TRAPPC9: variants seen among roughly 807,000 people sequenced by gnomAD.
TRAPPC9 encodes IKK2 binding protein.
Under a neutral mutation model 124.0 loss-of-function variants are expected in TRAPPC9, and 83 were observed. The observed-to-expected ratio is 0.67, with a 90% confidence interval of 0.56 to 0.80. The LOEUF (loss-of-function observed/expected upper bound fraction) is 0.80. Among genes scored for constraint, TRAPPC9 ranks in the 30% least tolerant of loss-of-function variants. The pLI is 0.00. For synonymous variants in TRAPPC9, 638 were observed against 617.5 expected, an observed-to-expected ratio of 1.03 and a Z score of -0.49; for missense variants, 1,302 against 1,508.3, an observed-to-expected ratio of 0.86 and a Z score of 2.27.
chr8:140,397,925 T>C (rs1159831823), intron 6 of TRAPPC9, among the ~76,000 whole-genome samples, 180 bp from the exon 7 acceptor site: 1 of 152,248 alleles, frequency 6.6e-6, no homozygotes, highest in Admixed American at 6.5e-5. Context: ...TCTTGAATTG[T>C]ACTCCCATAA....
chr8:139,865,157 G>A (rs1182265534), intron 21 of TRAPPC9, among the ~76,000 whole-genome samples: 1 of 152,182 alleles, frequency 6.6e-6, no homozygotes, highest in Non-Finnish European at 1.5e-5. Flanking sequence ...TGTCCCCATG[G>A]GGTCTGAAGA....
chr8:140,003,074 G>C (rs1838508970), intron 18 of TRAPPC9, among the ~76,000 whole-genome samples: 2 of 151,880 alleles, frequency 1.3e-5, no homozygotes, highest in African/African-American at 2.4e-5. Context: ...AAAAGTTACG[G>C]AATTGAAGAA....
intron 13 of TRAPPC9, among the ~76,000 whole-genome samples, chr8:140,285,435 T>C (rs947156269): frequency 2.0e-5 from 3 of 152,192 alleles, no homozygotes; most frequent in Admixed American, 1.3e-4. Flanking sequence ...ACAGGGATCC[T>C]GGATCCTGAG....
intron 17 of TRAPPC9, among the ~76,000 whole-genome samples, chr8:140,206,998 G>C (rs1303128780): frequency 6.6e-6 from 1 of 152,152 alleles, no homozygotes; most frequent in Non-Finnish European, 1.5e-5. Flanking sequence ...TTGAAGTCTA[G>C]TGGGGTGACA....
At chr8:139,815,065 T>G (rs1337894339) in intron 21 of TRAPPC9, among the ~76,000 whole-genome samples, 1 of 152,216 alleles carries the variant, frequency 6.6e-6, no homozygotes, top group African/African-American at 2.4e-5. Flanking sequence ...GGTCCTGTTG[T>G]GGGTCAGCTT....
intron 21 of TRAPPC9, among the ~76,000 whole-genome samples, chr8:139,793,577 C>T (rs959498874): frequency 2.0e-5 from 3 of 152,258 alleles, no homozygotes; most frequent in East Asian, 1.9e-4. Flanking sequence ...CTGAGAGTGC[C>T]GAAGACTGGA....
chr8:140,161,650 T>C (rs552901182), intron 17 of TRAPPC9, among the ~76,000 whole-genome samples: 17 of 152,178 alleles, frequency 1.1e-4, no homozygotes, highest in Non-Finnish European at 2.4e-4. Context: ...TGTGGCGTCA[T>C]GCAAGTGCTC....
At chr8:140,317,231 T>C (rs2066464272) in intron 9 of TRAPPC9, among the ~76,000 whole-genome samples, 1 of 152,214 alleles carries the variant, frequency 6.6e-6, no homozygotes. Flanking sequence ...ATCTTTATTA[T>C]TTCCTTCTTT....
At chr8:139,873,583 G>A (rs1022353555) in intron 21 of TRAPPC9, among the ~76,000 whole-genome samples, 5 of 152,146 alleles carry the variant, frequency 3.3e-5, no homozygotes, top group African/African-American at 1.2e-4. Flanking sequence ...CACAGTCACT[G>A]TTTCCAAGGA....
chr8:139,789,844 C>T (rs1388782459), intron 21 of TRAPPC9, among the ~76,000 whole-genome samples: 5 of 152,108 alleles, frequency 3.3e-5, no homozygotes, highest in Admixed American at 2.6e-4. Flanking sequence ...ACCTCAACTC[C>T]AGGACCGGTA....
At chr8:140,240,841 C>T (rs1411718763) in intron 16 of TRAPPC9, among the ~76,000 whole-genome samples, 1 of 152,184 alleles carries the variant, frequency 6.6e-6, no homozygotes, top group Non-Finnish European at 1.5e-5. Flanking sequence ...CACCCAGCCC[C>T]ACTCACCTTC....
At chr8:140,073,064 CG>C (rs982950092) in intron 17 of TRAPPC9, among the ~76,000 whole-genome samples, 10 of 152,140 alleles carry the variant, frequency 6.6e-5, no homozygotes, top group Non-Finnish European at 1.5e-4. Context: ...ATGGTGAAGG[CG>C]CACAGCACCG....
In TRAPPC9 at chr8:140,252,367, C is replaced by T. The variant is rs1049040670; in HGVS notation, c.2431+410G>A. On this transcript the variant is annotated intron_variant, in intron 16 of 22. Coordinates refer to ENST00000438773, the MANE Select transcript of TRAPPC9 (RefSeq NM_001160372.4). This position sits in a 1 kb window ranked among gnomAD's most constrained non-coding sequence, Gnocchi z 4.2. ...TCTCTAATCAGTCCTAATGTTACAA[C>T]AAATATAAATTTCCATTTCTTCCAC... Among the ~76,000 whole-genome samples the T allele has an allele frequency of 1.3e-5, 2 of 152,154 alleles. No individual in the cohort carries two copies. The highest frequency in any genetic ancestry group is 2.1e-4 in the South Asian group (1 of 4,826).
intron 21 of TRAPPC9, among the ~76,000 whole-genome samples, chr8:139,877,667 G>C (rs936432883): frequency 6.6e-6 from 1 of 152,118 alleles, no homozygotes; most frequent in African/African-American, 2.4e-5. Context: ...TCTGGCATCA[G>C]CACCCACAGC....
At chr8:139,763,901 G>T (rs113406834) in intron 21 of TRAPPC9, among the ~76,000 whole-genome samples, 1 of 152,216 alleles carries the variant, frequency 6.6e-6, no homozygotes, top group African/African-American at 2.4e-5. Context: ...AGAACTGCCC[G>T]TTGACAACTG....
chr8:140,452,933 C>T (rs1231128000), intron 1 of TRAPPC9, among the ~76,000 whole-genome samples: 1 of 152,160 alleles, frequency 6.6e-6, no homozygotes, highest in Non-Finnish European at 1.5e-5. Context: ...GTAACACATA[C>T]CTCAAGGTGT....
intron 17 of TRAPPC9, among the ~76,000 whole-genome samples, chr8:140,108,951 G>A (rs1047484124): frequency 6.6e-6 from 1 of 152,128 alleles, no homozygotes; most frequent in African/African-American, 2.4e-5. Context: ...GTTTCGAGAA[G>A]CCTTTTTACT....
At chr8:139,773,940 A>G (rs955898117) in intron 21 of TRAPPC9, among the ~76,000 whole-genome samples, 1 of 152,172 alleles carries the variant, frequency 6.6e-6, no homozygotes, top group Admixed American at 6.5e-5. Context: ...ACATCCAAAC[A>G]TCATCTCCCA....
In TRAPPC9 at chr8:139,991,632, T is replaced by C. The variant is rs965718338; in HGVS notation, c.2700-2796A>G. Among the ~76,000 whole-genome samples the C allele has an allele frequency of 6.0e-5, 9 of 150,576 alleles. No individual in the cohort carries two copies. In the East Asian group the frequency reaches 1.8e-3, roughly 30 times the overall value. ...CACATCTGTCTGAAGTATGGGGAAA[T>C]CCAAGAAAGCTTCCTGGAAGAGCTG... On this transcript the variant is annotated intron_variant, in intron 18 of 22. Coordinates refer to ENST00000438773, the MANE Select transcript of TRAPPC9 (RefSeq NM_001160372.4).
Sources: gnomAD v4.1 joint callset for allele counts (sites outside exome capture counted in the v4.1 genomes callset) on GRCh38, gnomAD v4.1.1 for gene constraint, Gnocchi (gnomAD v3.1) non-coding constraint, MANE v1.5 for transcripts, NCBI Gene and HGNC (gene_info 2026-07-23, HGNC 2026-07-21) for gene names.